Variants in RAB34 observed in about 807,000 individuals in gnomAD.
The protein encoded by RAB34 is ras-related protein Rab-34.
RAB34 carries 33 observed loss-of-function variants against 39.0 expected under a neutral mutation model. That is an observed-to-expected ratio of 0.85 (90% confidence interval 0.64 to 1.13). RAB34 has a LOEUF of 1.13. Among genes scored for constraint, RAB34 ranks in the 50% most tolerant of loss-of-function variants. RAB34 has a pLI of 0.00. For synonymous variants in RAB34, 135 were observed against 125.1 expected (o/e 1.08, Z -0.53); for missense variants, 289 against 326.1 (o/e 0.89, Z 0.88).
rs1374327473 is a variant in RAB34 at position 28,714,868 on chromosome 17, C to CCACA, written c.633_636dup (p.Ala213CysfsTer7). The CCACA allele has an allele frequency of 6.2e-7, 1 of 1,614,088 alleles. No individual in the cohort carries two copies. The highest frequency in any genetic ancestry group is 8.5e-7 in the Non-Finnish European group (1 of 1,180,020). On this transcript the variant is annotated frameshift_variant, in exon 9 of 10. Transcript: ENST00000395245. LOFTEE classifies it high-confidence loss of function. The stretch of plus-strand genomic sequence containing the variant: ...ACATTGGCCTCAAAGGTCAGTGCTG[C>CCACA]CACACGGAAGAAGAATTCTCGGACA...
Position 28,715,707 on chromosome 17 carries a change from T to G in RAB34, c.315-2A>C, listed in dbSNP as rs775228484. ...CTCTCCTGCCCAGCGGTATCCCAAC[T>G]GGAAGGAAGGAAGAGTGAAGCACAG... On this transcript the variant is annotated splice_acceptor_variant, in intron 4 of 9. Transcript: ENST00000395245. LOFTEE classifies it high-confidence loss of function. The G allele has an allele frequency of 6.2e-7, 1 of 1,613,868 alleles. No homozygotes were observed. Among genetic ancestry groups the G allele is most frequent in the Non-Finnish European group, 8.5e-7 (1 of 1,179,940 alleles).
At position 28,717,579 on chromosome 17, in the gene RAB34, G is replaced by C. The variant is rs923884271; in HGVS notation, c.-313C>G. The C allele has an allele frequency of 7.1e-7, 1 of 1,418,420 alleles. No individual in the cohort carries two copies. The highest frequency in any genetic ancestry group is 1.5e-5 in the South Asian group (1 of 66,936). The allele number at this position is 1,418,420 out of a possible 1,614,324, so 87.9% of individuals were successfully genotyped here. On this transcript the variant is annotated 5_prime_UTR_variant, in exon 1 of 10. Coordinates refer to ENST00000395245, the MANE Select transcript of RAB34 (RefSeq NM_031934.6). Reference sequence around the variant, plus strand: ...CGGGGAGTCCCGTCTGGTGGGGGCCGGGCCCGCGCAGACCCTACGATTACG... The same window carrying C: ...CGGGGAGTCCCGTCTGGTGGGGGCCCGGCCCGCGCAGACCCTACGATTACG...
chr17:28,716,877 C>T (rs1440613569), intron 2 of RAB34, 26 bp downstream of exon 2: 1 of 1,603,414 alleles, frequency 6.2e-7, no homozygotes, highest in Non-Finnish European at 8.5e-7. Context: ...GACCTCCTCT[C>T]TTTGTTGTGG....
At position 28,716,005 on chromosome 17, in the gene RAB34, C is replaced by G. The variant is rs758656765; in HGVS notation, c.200G>C (p.Cys67Ser). 3 of 1,614,022 alleles carry G rather than the reference C, an allele frequency of 1.9e-6. No individual in the cohort carries two copies. The highest frequency in any genetic ancestry group is 2.5e-6 in the Non-Finnish European group (3 of 1,180,004). ...VVGDLSVGKT[C>S]LINRFCKDTF... ...AGCACCCCCTTACCTATTAATGAGG[C>G]AAGTCTTCCCCACCGACAGGTCCCC... is the stretch of plus-strand genomic sequence containing the variant. Residue 67 changes from cysteine to serine, a missense_variant, in exon 3 of 10, where the codon TGC becomes TCC. Physicochemically the swap from Cys to Ser is moderately radical, Grantham distance 112. Transcript: ENST00000395245.
intron 2 of RAB34, 127 bp from the exon 3 acceptor site, chr17:28,716,185 T>C: frequency 1.5e-6 from 2 of 1,344,348 alleles, no homozygotes; most frequent in Non-Finnish European, 1.0e-6. Flanking sequence ...ACACCAGGCA[T>C]CCCAGGCAGC....
chr17:28,716,781 G>A lies in RAB34; in HGVS notation c.146+122C>T, dbSNP rs1322851932. On this transcript the variant is annotated intron_variant, in intron 2 of 9. Transcript: ENST00000395245. ...AGGGGATACAGGGGCTTAAAGAGGG[G>A]GAAATAACCATATAGCTGGTAGGGG... 1.0e-5 allele frequency: 12 copies of A among 1,160,490 alleles called. No homozygotes were observed. In the Admixed American group the frequency reaches 1.6e-4, roughly 16 times the overall value. The allele number at this position is 1,160,490 out of a possible 1,614,324, so 71.9% of individuals were successfully genotyped here.
chr17:28,714,802 C>T lies in RAB34; in HGVS notation c.703G>A (p.Asp235Asn). Residue 235 changes from aspartate to asparagine, a missense_variant, in exon 9 of 10, where the codon GAT becomes AAT. By Grantham distance (23) the Asp-to-Asn change is conservative (BLOSUM62 1). Coordinates refer to ENST00000395245, the MANE Select transcript of RAB34 (RefSeq NM_031934.6). ...CCAGGCAAGCACTCACGGACAACATCCCCAATGCGTCGAGCCCCCGATTTC... is the reference window on the plus strand; with the variant it reads ...CCAGGCAAGCACTCACGGACAACATTCCCAATGCGTCGAGCCCCCGATTTC... ...LEKSGARRIG[D>N]VVRINSDDSN... 1 of 1,614,124 alleles carries T rather than the reference C, an allele frequency of 6.2e-7. No homozygotes were observed. Among genetic ancestry groups the T allele is most frequent in the Non-Finnish European group, 8.5e-7 (1 of 1,180,006 alleles).
Position 28,717,363 on chromosome 17 carries a change from G to A in RAB34, c.-97C>T. On this transcript the variant is annotated 5_prime_UTR_variant, in exon 1 of 10. Coordinates refer to ENST00000395245, the MANE Select transcript of RAB34 (RefSeq NM_031934.6). Reference sequence around the variant, plus strand: ...GGAGACCCGACGATCACCCGCGGCCGGGGTGTCCCGACTACAACTCGGGGC... The same window carrying A: ...GGAGACCCGACGATCACCCGCGGCCAGGGTGTCCCGACTACAACTCGGGGC... 1.3e-6 allele frequency: 2 copies of A among 1,530,614 alleles called. No homozygotes were observed. The highest frequency in any genetic ancestry group is 1.8e-6 in the Non-Finnish European group (2 of 1,142,634). 94.8% of individuals were successfully genotyped at this position (1,530,614 alleles called of 1,614,324 possible). A position where few individuals can be genotyped will look rare whatever the true frequency, so the allele number is the denominator to read the frequency against.
chr17:28,715,583 A>G, intron 5 of RAB34, 58 bp downstream of exon 5: 1 of 1,614,044 alleles, frequency 6.2e-7, no homozygotes, highest in African/African-American at 1.3e-5. Flanking sequence ...TTCCAGCTCC[A>G]TATGAGAAGC....
intron 1 of RAB34, 23 bp downstream of exon 1, chr17:28,717,190 C>A: frequency 6.3e-7 from 1 of 1,588,372 alleles, no homozygotes; most frequent in Non-Finnish European, 8.5e-7. Flanking sequence ...TAGACTGAAG[C>A]CCGACGTGGC....
chr17:28,716,696 G>A, intron 2 of RAB34: 1 of 538,938 alleles, frequency 1.9e-6, no homozygotes, highest in Admixed American at 3.7e-5. Flanking sequence ...AAATCCAGCT[G>A]CCACCCTTCT....
chr17:28,716,098 C>G, intron 2 of RAB34, 40 bp from the exon 3 acceptor site: 1 of 1,612,616 alleles, frequency 6.2e-7, no homozygotes, highest in South Asian at 1.1e-5. Flanking sequence ...TGGGCACGAG[C>G]TCTTTCACCC....
Position 28,717,254 on chromosome 17 carries a change from C to A in RAB34, c.13G>T (p.Ala5Ser). 1 of 1,605,902 alleles carries A rather than the reference C, an allele frequency of 6.2e-7. No homozygotes were observed. Among genetic ancestry groups the A allele is most frequent in the Non-Finnish European group, 8.5e-7 (1 of 1,178,480 alleles). The change falls in exon 1 of 10, where the codon GCA (alanine) becomes TCA (serine). Residue 5 changes from alanine (A) to serine (S), a missense_variant. Transcript: ENST00000395245. MNIL[A>S]PVRRDRVLAE... ...AGGACGCGATCCCTCCGCACGGGTG[C>A]CAGAATGTTCATCCTGCCTGCGGCC...
rs2032975172 is a variant in RAB34 at position 28,714,374 on chromosome 17, G to A, written c.*269C>T. 1.6e-6 allele frequency: 1 copy of A among 619,112 alleles called. No homozygotes were observed. The highest frequency in any genetic ancestry group is 2.9e-6 in the Non-Finnish European group (1 of 349,938). The allele number at this position is 619,112 out of a possible 1,614,324, so 38.4% of individuals were successfully genotyped here. On this transcript the variant is annotated 3_prime_UTR_variant, in exon 10 of 10. Coordinates refer to ENST00000395245, the MANE Select transcript of RAB34 (RefSeq NM_031934.6). ...AAACACAAAGGGCCCAGCAGGCTGA[G>A]CAAAAGAACAGAGACACTCTCCCTC...
chr17:28,717,512 A>G lies in RAB34; in HGVS notation c.-246T>C. 7.0e-7 allele frequency: 1 copy of G among 1,431,182 alleles called. No individual in the cohort carries two copies. Among genetic ancestry groups the G allele is most frequent in the South Asian group, 1.5e-5 (1 of 68,552 alleles). 88.7% of individuals were successfully genotyped at this position (1,431,182 alleles called of 1,614,324 possible). On this transcript the variant is annotated 5_prime_UTR_variant, in exon 1 of 10. Coordinates refer to ENST00000395245, the MANE Select transcript of RAB34 (RefSeq NM_031934.6). ...CACCCGGGCCCTGGGCGTCCCGAAG[A>G]TGACTCTGGGGCGAGGAGACTCTTC...
rs1597774837 is a variant in RAB34, at chr17:28,716,778, G to T, written c.146+125C>A. ...AGGAGGGGATACAGGGGCTTAAAGA[G>T]GGGGAAATAACCATATAGCTGGTAG... is the stretch of plus-strand genomic sequence containing the variant. On this transcript the variant is annotated intron_variant, in intron 2 of 9. Transcript: ENST00000395245. 3.6e-6 allele frequency: 4 copies of T among 1,124,890 alleles called. No homozygotes were observed. In the East Asian group the frequency reaches 1.1e-4, roughly 30 times the overall value. The allele number at this position is 1,124,890 out of a possible 1,614,324, so 69.7% of individuals were successfully genotyped here.
Position 28,715,850 on chromosome 17 carries a change from G to A in RAB34, c.264C>T (p.Asp88=). The A allele has an allele frequency of 6.2e-7, 1 of 1,614,062 alleles. No individual in the cohort carries two copies. The highest frequency in any genetic ancestry group is 8.5e-7 in the Non-Finnish European group (1 of 1,179,994). Reference sequence around the variant, plus strand: ...GCACCTCAAATCGTTCCATCTCGAAGTCCACTCCAATGGTGGCCTTGTAAT... The same window carrying A: ...GCACCTCAAATCGTTCCATCTCGAAATCCACTCCAATGGTGGCCTTGTAAT... ...DKNYKATIGV[D]FEMERFEVLG... is the part of the protein sequence containing the mutation. The change falls in exon 4 of 10, where the codon GAC becomes GAT. Residue 88 remains aspartate (D), a synonymous_variant. Transcript: ENST00000395245.
chr17:28,717,546 A>T lies in RAB34; in HGVS notation c.-280T>A. ...GGGCGAGGAGACTCTTCGGCCGCCAATTGGGGGCGGGGAGTCCCGTCTGGT... is the reference window on the plus strand; with the variant it reads ...GGGCGAGGAGACTCTTCGGCCGCCATTTGGGGGCGGGGAGTCCCGTCTGGT... On this transcript the variant is annotated 5_prime_UTR_variant, in exon 1 of 10. In the 5' UTR this introduces an upstream ATG that the reference lacks. Coordinates refer to ENST00000395245, the MANE Select transcript of RAB34 (RefSeq NM_031934.6). 1 of 1,418,128 alleles carries T rather than the reference A, an allele frequency of 7.1e-7. No homozygotes were observed. The highest frequency in any genetic ancestry group is 1.5e-5 in the South Asian group (1 of 67,056). The allele number at this position is 1,418,128 out of a possible 1,614,324, so 87.8% of individuals were successfully genotyped here.
At chr17:28,717,052 C>A in intron 1 of RAB34, 58 bp from the exon 2 acceptor site, 2 of 1,594,392 alleles carry the variant, frequency 1.3e-6, no homozygotes. Flanking sequence ...TGTCCCGCAG[C>A]CAAGCGGCCC....
Sources: allele counts gnomAD v4.1 joint callset, GRCh38; gene constraint gnomAD v4.1.1; transcripts MANE v1.5; gene names NCBI Gene and HGNC (gene_info 2026-07-23, HGNC 2026-07-21).